PFKP: variants seen among roughly 807,000 people sequenced by gnomAD.
PFKP encodes the protein phosphofructokinase, platelet.
Under a neutral mutation model 94.3 loss-of-function variants are expected in PFKP, and 101 were observed. That is an observed-to-expected ratio of 1.07 (90% CI 0.91 to 1.26). The LOEUF is 1.26. Among genes scored for constraint, PFKP ranks in the 50% most tolerant of loss-of-function variants. PFKP has a pLI of 0.00. For missense variants in PFKP, 1,145 were observed against 1,103.3 expected, an observed-to-expected ratio of 1.04 and a Z score of -0.53; for synonymous variants, 573 against 432.6, an observed-to-expected ratio of 1.32 and a Z score of -4.03.
chr10:3,135,794 T>TA lies in PFKP; in HGVS notation c.2182dup (p.Ile728AsnfsTer15), dbSNP rs763067108. 6.2e-7 allele frequency: 1 copy of TA among 1,613,922 alleles called. No homozygotes were observed. Among genetic ancestry groups the TA allele is most frequent in the Non-Finnish European group, 8.5e-7 (1 of 1,179,808 alleles). On this transcript the variant is annotated frameshift_variant, in exon 21 of 22. Transcript: ENST00000381125. LOFTEE classifies it low-confidence loss of function (END_TRUNC). ...TGCTGGGAATAAGCAAAAGAAACGTTATTTTTCAACCTGTGGCAGAGCTGA... is the reference window on the plus strand; with the variant it reads ...TGCTGGGAATAAGCAAAAGAAACGTTAATTTTTCAACCTGTGGCAGAGCTGA...
In PFKP at chr10:3,082,451, T is replaced by G; in HGVS notation, c.176T>G (p.Phe59Cys). The G allele has an allele frequency of 6.2e-7, 1 of 1,605,972 alleles. No individual in the cohort carries two copies. The highest frequency in any genetic ancestry group is 1.1e-5 in the South Asian group (1 of 90,472). The change falls in exon 2 of 22, where the codon TTC becomes TGC. Residue 59 changes from phenylalanine to cysteine, a missense_variant. Coordinates refer to ENST00000381125, the MANE Select transcript of PFKP (RefSeq NM_002627.5). ...MGIYVGAKVY[F>C]IYEGYQGMVD... ...ATCTACGTGGGGGCCAAGGTGTACTTCATCTACGAGGTCAGTGTCTGCCCC... is the reference window on the plus strand; with the variant it reads ...ATCTACGTGGGGGCCAAGGTGTACTGCATCTACGAGGTCAGTGTCTGCCCC...
At chr10:3,088,006 T>TA (rs1554762439) in intron 2 of PFKP, among the ~76,000 whole-genome samples, 40 of 149,230 alleles carry the variant, frequency 2.7e-4, no homozygotes, top group African/African-American at 9.9e-4. Flanking sequence ...TTTTTTTTTT[T>TA]ACATTATACT....
intron 20 of PFKP, among the ~76,000 whole-genome samples, chr10:3,135,287 G>T (rs1261582469): frequency 2.6e-5 from 4 of 152,058 alleles, no homozygotes; most frequent in Non-Finnish European, 5.9e-5. Flanking sequence ...AAAAATGACA[G>T]TCTATAAAAA....
intron 14 of PFKP, among the ~76,000 whole-genome samples, chr10:3,117,229 GA>G (rs1353430198): frequency 2.6e-5 from 4 of 152,212 alleles, no homozygotes; most frequent in Non-Finnish European, 5.9e-5. Context: ...GCATTGGTGG[GA>G]AGCATAGCCC....
At chr10:3,083,651 TA>T (rs1192149858) in intron 2 of PFKP, among the ~76,000 whole-genome samples, 3 of 150,796 alleles carry the variant, frequency 2.0e-5, no homozygotes, top group Admixed American at 6.6e-5. Flanking sequence ...TATTTTATTT[TA>T]TTTTTTTTGA....
At position 3,069,495 on chromosome 10, in the gene PFKP, G is replaced by T. The variant is rs1170007787; in HGVS notation, c.112+1788G>T. The T allele has an allele frequency of 4.1e-6, 4 of 971,330 alleles. 1 individual carries two copies. The Admixed American group carries it at 7.3e-5, about 18-fold the overall frequency. 60.2% of individuals were successfully genotyped at this position (971,330 alleles called of 1,614,324 possible). The stretch of plus-strand genomic sequence containing the variant: ...CCTTGAGTGACCTTACCTGGGCCGC[G>T]AAAGACAAGAAACCTTTGGCACAGG... On this transcript the variant is annotated intron_variant, in intron 1 of 21. Transcript: ENST00000381125.
At chr10:3,099,488 T>C in intron 3 of PFKP, 136 bp downstream of exon 3, 2 of 701,372 alleles carry the variant, frequency 2.9e-6, no homozygotes, top group South Asian at 3.4e-5. Flanking sequence ...TGAGCAGCTC[T>C]TTACTTGTGG....
At chr10:3,104,406 C>G (rs187677015) in intron 5 of PFKP, among the ~76,000 whole-genome samples, 1 of 152,266 alleles carries the variant, frequency 6.6e-6, no homozygotes, top group South Asian at 2.1e-4. Context: ...TGGGGCGCAC[C>G]GTACAATTTC....
intron 2 of PFKP, among the ~76,000 whole-genome samples, chr10:3,090,014 C>G (rs1416078666): frequency 6.6e-6 from 1 of 152,130 alleles, no homozygotes; most frequent in African/African-American, 2.4e-5. Context: ...CTTTCTGTGC[C>G]TGGCTTATTT....
At chr10:3,069,372 C>A in intron 1 of PFKP, 2 of 1,589,862 alleles carry the variant, frequency 1.3e-6, no homozygotes, top group Non-Finnish European at 1.7e-6. Flanking sequence ...TGACTTAAAC[C>A]GGCCCGGAGA....
At position 3,135,831 on chromosome 10, in the gene PFKP, G is replaced by A; in HGVS notation, c.2218G>A (p.Asp740Asn). The change falls in exon 21 of 22, where the codon GAT (aspartate) becomes AAT (asparagine). Residue 740 changes from aspartate (D) to asparagine (N), a missense_variant. Physicochemically the swap from Asp to Asn is conservative, Grantham distance 23. Transcript: ENST00000381125. ...QPVAELKKQT[D>N]FEHRIPKEQW... ...TGTGGCAGAGCTGAAGAAGCAAACGGATTTTGAGTAAGTTGGCTGGGTTCC... is the reference window on the plus strand; with the variant it reads ...TGTGGCAGAGCTGAAGAAGCAAACGAATTTTGAGTAAGTTGGCTGGGTTCC... The A allele has an allele frequency of 6.2e-7, 1 of 1,608,044 alleles. No homozygotes were observed. The highest frequency in any genetic ancestry group is 8.5e-7 in the Non-Finnish European group (1 of 1,174,598).
At chr10:3,135,704 G>T (rs1839186886) in intron 20 of PFKP, 32 bp from the exon 21 acceptor site, 1 of 1,316,340 alleles carries the variant, frequency 7.6e-7, no homozygotes, top group African/African-American at 1.5e-5. Context: ...TGTTGACAGG[G>T]TGTTATTAAT....
intron 13 of PFKP, among the ~76,000 whole-genome samples, chr10:3,114,487 G>C (rs1221065030): frequency 6.6e-6 from 1 of 152,232 alleles, no homozygotes; most frequent in African/African-American, 2.4e-5. Context: ...GGAATTAAAT[G>C]AGTGAGCAAA....
intron 1 of PFKP, chr10:3,069,200 T>C (rs1831990059): frequency 7.8e-7 from 1 of 1,279,176 alleles, no homozygotes; most frequent in Non-Finnish European, 9.9e-7. Context: ...CAGCCCGCCC[T>C]GCAGCGCCCC....
rs1362386462 is a variant in PFKP, at chr10:3,095,806, T to C, written c.187-3469T>C. 2.0e-5 allele frequency among the ~76,000 whole-genome samples: 3 copies of C among 152,336 alleles called. No individual in the cohort carries two copies. In the East Asian group the frequency reaches 5.8e-4, roughly 29 times the overall value. ...TCTTCCTTGTTGGTGAAAGACGGCT[T>C]AGAACTGCGGCTGGTAGTTGCTTTT... On this transcript the variant is annotated intron_variant, in intron 2 of 21. Transcript: ENST00000381125.
At chr10:3,082,546 C>G in intron 2 of PFKP, 85 bp downstream of exon 2, 1 of 936,348 alleles carries the variant, frequency 1.1e-6, no homozygotes, top group Non-Finnish European at 1.6e-6. Context: ...ACCCCTGCCT[C>G]CCCCATGCTG....
intron 1 of PFKP, among the ~76,000 whole-genome samples, chr10:3,076,640 G>A (rs977257988): frequency 6.6e-5 from 10 of 151,986 alleles, no homozygotes; most frequent in South Asian, 2.1e-4. Flanking sequence ...TCTTGCTTTC[G>A]GGTCTCTCCT....
chr10:3,105,295 G>T lies in PFKP; in HGVS notation c.666-98G>T, dbSNP rs983896147. The T allele has an allele frequency of 3.9e-6, 5 of 1,294,248 alleles. No homozygotes were observed. The African/African-American group carries it at 7.3e-5, about 19-fold the overall frequency. The allele number at this position is 1,294,248 out of a possible 1,614,324, so 80.2% of individuals were successfully genotyped here. A position where few individuals can be genotyped will look rare whatever the true frequency, so the allele number is the denominator to read the frequency against. On this transcript the variant is annotated intron_variant, in intron 6 of 21. Transcript: ENST00000381125. The stretch of plus-strand genomic sequence containing the variant: ...GGGCCGGCATCCCGCTTCATACCTG[G>T]CGTTAGGTCTGCACGTCTGTCGCTG...
At chr10:3,089,756 A>T (rs866674087) in intron 2 of PFKP, among the ~76,000 whole-genome samples, 1 of 151,306 alleles carries the variant, frequency 6.6e-6, no homozygotes, top group African/African-American at 2.4e-5. Context: ...ATTATTAAAC[A>T]TTATTATACA....
Sources: allele counts gnomAD v4.1 joint callset (sites outside exome capture counted in the v4.1 genomes callset), GRCh38; gene constraint gnomAD v4.1.1; transcripts MANE v1.5; gene names NCBI Gene and HGNC (gene_info 2026-07-23, HGNC 2026-07-21).